Variants in NEGR1 observed in about 807,000 individuals in gnomAD.
The protein encoded by NEGR1 is IgLON family member 4.
NEGR1 carries 10 observed loss-of-function variants against 40.9 expected under a neutral mutation model. The observed-to-expected ratio is 0.24, with a 90% CI of 0.15 to 0.42. The LOEUF is 0.42. NEGR1 is among the 10% of genes least tolerant of loss of function. The pLI, the probability that NEGR1 is intolerant of heterozygous loss-of-function variation, is 1.00. For missense variants in NEGR1, 352 were observed against 438.9 expected, an observed-to-expected ratio of 0.80 and a Z score of 1.77; for synonymous variants, 185 against 166.8, an observed-to-expected ratio of 1.11 and a Z score of -0.84.
At chr1:71,808,905 C>T (rs938450724) in intron 2 of NEGR1, among the ~76,000 whole-genome samples, 4 of 152,140 alleles carry the variant, frequency 2.6e-5, no homozygotes, top group Non-Finnish European at 5.9e-5. Context: ...ACCTCTCTAT[C>T]TGTAACTTGT....
intron 6 of NEGR1, among the ~76,000 whole-genome samples, chr1:71,540,645 A>G (rs181474946): frequency 5.1e-4 from 77 of 151,902 alleles, no homozygotes; most frequent in African/African-American, 1.8e-3. Flanking sequence ...TGAATCTAAA[A>G]GGGGATTTGG....
intron 1 of NEGR1, among the ~76,000 whole-genome samples, chr1:71,942,545 AGGCT>A (rs1296284144): frequency 2.2e-5 from 2 of 89,078 alleles, no homozygotes; most frequent in East Asian, 7.9e-4. Context: ...TCTGTCGCCC[AGGCT>A]GGAGTGCAGT....
At chr1:71,702,175 C>A (rs912693935) in intron 3 of NEGR1, among the ~76,000 whole-genome samples, 15 of 152,000 alleles carry the variant, frequency 9.9e-5, no homozygotes, top group Non-Finnish European at 1.6e-4. Context: ...TCAATTGTTT[C>A]TTTTCTTCCT....
intron 6 of NEGR1, among the ~76,000 whole-genome samples, chr1:71,453,970 T>C (rs567138128): frequency 1.6e-4 from 25 of 152,336 alleles, no homozygotes; most frequent in African/African-American, 6.0e-4. Context: ...CTGCAAATGT[T>C]AGTTTTTTAC....
chr1:71,655,056 C>T (rs1651835581), intron 4 of NEGR1, among the ~76,000 whole-genome samples: 1 of 152,144 alleles, frequency 6.6e-6, no homozygotes, highest in Admixed American at 6.5e-5. Context: ...CCAATTGAAA[C>T]TCCTCCTGTG....
At chr1:71,995,941 T>G (rs1326584306) in intron 1 of NEGR1, among the ~76,000 whole-genome samples, 2 of 152,320 alleles carry the variant, frequency 1.3e-5, no homozygotes, top group East Asian at 3.9e-4. Context: ...TTAAATCATT[T>G]GGAATTATTT....
At chr1:71,862,717 T>C (rs1049141169) in intron 2 of NEGR1, among the ~76,000 whole-genome samples, 2 of 152,064 alleles carry the variant, frequency 1.3e-5, no homozygotes, top group Non-Finnish European at 2.9e-5. Context: ...AGGGCTAATA[T>C]CCAGAGTTTA....
chr1:72,013,060 T>C (rs996041424), intron 1 of NEGR1, among the ~76,000 whole-genome samples: 2 of 151,884 alleles, frequency 1.3e-5, no homozygotes, highest in Non-Finnish European at 2.9e-5. Context: ...ATTTAATGTA[T>C]AGAAGCTTAT....
chr1:71,998,130 C>T (rs1646521370), intron 1 of NEGR1, among the ~76,000 whole-genome samples: 1 of 151,806 alleles, frequency 6.6e-6, no homozygotes, highest in Non-Finnish European at 1.5e-5. Context: ...ATTTTTAAGT[C>T]AACAACCTGA....
chr1:72,048,705 C>A (rs1207997657), intron 1 of NEGR1, among the ~76,000 whole-genome samples: 5 of 151,546 alleles, frequency 3.3e-5, no homozygotes, highest in African/African-American at 1.2e-4. Context: ...TCTTCTCAAC[C>A]TGTGGTGATT....
intron 4 of NEGR1, among the ~76,000 whole-genome samples, chr1:71,691,403 A>G (rs1378270424): frequency 1.3e-5 from 2 of 151,752 alleles, no homozygotes; most frequent in African/African-American, 2.4e-5. Flanking sequence ...TTGGGTGATT[A>G]TTGATGTTTC....
chr1:71,691,147 A>C (rs2101622080), intron 4 of NEGR1, among the ~76,000 whole-genome samples: 1 of 152,080 alleles, frequency 6.6e-6, no homozygotes, highest in South Asian at 2.1e-4. Context: ...CACACTAGTC[A>C]TTAATTGAAC....
intron 1 of NEGR1, among the ~76,000 whole-genome samples, chr1:72,111,085 T>TATAC (rs1557531758): frequency 7.8e-6 from 1 of 128,436 alleles, no homozygotes; most frequent in African/African-American, 3.4e-5. Flanking sequence ...TATATATATA[T>TATAC]ACACACACAC....
chr1:71,721,862 T>A (rs1654521887), intron 3 of NEGR1, among the ~76,000 whole-genome samples: 1 of 152,066 alleles, frequency 6.6e-6, no homozygotes, highest in South Asian at 2.1e-4. Flanking sequence ...TCAAAGAGGC[T>A]TCCATGTTAA....
intron 2 of NEGR1, among the ~76,000 whole-genome samples, chr1:71,811,149 T>C (rs1657987753): frequency 6.6e-6 from 1 of 152,128 alleles, no homozygotes; most frequent in African/African-American, 2.4e-5. Context: ...AGGTGGATTA[T>C]ATTTACCTCC....
intron 1 of NEGR1, among the ~76,000 whole-genome samples, chr1:71,961,928 T>C (rs1202926241): frequency 6.6e-6 from 1 of 152,044 alleles, no homozygotes; most frequent in East Asian, 1.9e-4. Context: ...CTTTTAAAAC[T>C]AATAAATCTG....
At chr1:71,420,379 A>G (rs1646386451) in intron 6 of NEGR1, among the ~76,000 whole-genome samples, 1 of 152,068 alleles carries the variant, frequency 6.6e-6, no homozygotes, top group Non-Finnish European at 1.5e-5. Flanking sequence ...TAATCACATT[A>G]TTTATTCAAC....
chr1:72,011,762 A>T (rs1165699988), intron 1 of NEGR1, among the ~76,000 whole-genome samples: 1 of 152,192 alleles, frequency 6.6e-6, no homozygotes, highest in Non-Finnish European at 1.5e-5. Context: ...AGAACAGGTG[A>T]TGTCTAAGCA....
At chr1:71,579,051 C>T (rs1029109215) in intron 6 of NEGR1, among the ~76,000 whole-genome samples, 7 of 152,160 alleles carry the variant, frequency 4.6e-5, no homozygotes, top group African/African-American at 1.4e-4. Context: ...TTCTGGTAAT[C>T]ACTGTTCATT....
Sources: allele counts gnomAD v4.1 joint callset (sites outside exome capture counted in the v4.1 genomes callset), GRCh38; gene constraint gnomAD v4.1.1; transcripts MANE v1.5; gene names NCBI Gene and HGNC (gene_info 2026-07-23, HGNC 2026-07-21).